The following CNTN4 variants were observed in gnomAD, a reference collection of about 807,000 sequenced individuals.
CNTN4 encodes the protein contactin-4.
Under a neutral mutation model 122.5 loss-of-function variants are expected in CNTN4, and 77 were observed. That is an observed-to-expected ratio of 0.63 (90% confidence interval 0.52 to 0.76). The LOEUF (loss-of-function observed/expected upper bound fraction) is 0.76. Among genes scored for constraint, CNTN4 ranks in the 30% least tolerant of loss-of-function variants. The pLI, the probability that CNTN4 is intolerant of heterozygous loss-of-function variation, is 0.00. For synonymous variants in CNTN4, 512 were observed against 447.0 expected (o/e 1.15, Z -1.83); for missense variants, 1,256 against 1,259.1 (o/e 1.00, Z 0.04).
chr3:2,236,197 A>C (rs2039676049), intron 2 of CNTN4, among the ~76,000 whole-genome samples: 1 of 152,214 alleles, frequency 6.6e-6, no homozygotes, highest in Non-Finnish European at 1.5e-5. Flanking sequence ...TTAAGTTTAC[A>C]TCCTCTAGGT....
chr3:2,276,215 C>T (rs2041505408), intron 2 of CNTN4, among the ~76,000 whole-genome samples: 1 of 151,868 alleles, frequency 6.6e-6, no homozygotes, highest in Non-Finnish European at 1.5e-5. Flanking sequence ...CTCTGCTGCC[C>T]AGGCTGGAGT....
At chr3:2,975,153 T>C (rs1008366680) in intron 13 of CNTN4, among the ~76,000 whole-genome samples, 2 of 151,882 alleles carry the variant, frequency 1.3e-5, no homozygotes, top group Non-Finnish European at 2.9e-5. Context: ...TTCTCAATAT[T>C]AGGAAAAGCT....
intron 2 of CNTN4, among the ~76,000 whole-genome samples, chr3:2,270,518 A>G (rs2041250604): frequency 6.6e-6 from 1 of 152,076 alleles, no homozygotes; most frequent in African/African-American, 2.4e-5. Flanking sequence ...GTGGGAATGG[A>G]CAGGAGTACT....
chr3:2,488,680 TTA>T (rs2076231175), intron 3 of CNTN4, among the ~76,000 whole-genome samples: 1 of 152,016 alleles, frequency 6.6e-6, no homozygotes, highest in Admixed American at 6.5e-5. Context: ...AAATTGGTTT[TTA>T]TATGTCATTT....
intron 2 of CNTN4, among the ~76,000 whole-genome samples, chr3:2,212,990 G>A (rs2038686440): frequency 6.6e-6 from 1 of 152,050 alleles, no homozygotes. Context: ...TTTTTTTCCT[G>A]AAATGAAATA....
chr3:2,445,650 C>T (rs2048598664), intron 3 of CNTN4, among the ~76,000 whole-genome samples: 1 of 152,100 alleles, frequency 6.6e-6, no homozygotes, highest in Admixed American at 6.6e-5. Context: ...CTAGATTCAT[C>T]ATGTAATAAT....
chr3:2,380,735 A>G (rs893089138), intron 3 of CNTN4, among the ~76,000 whole-genome samples: 7 of 151,514 alleles, frequency 4.6e-5, no homozygotes, highest in East Asian at 3.9e-4. Context: ...CCTATTTTAC[A>G]TAAGAACGAA....
At chr3:3,003,684 C>CAAAAAA (rs58290160) in intron 14 of CNTN4, among the ~76,000 whole-genome samples, 25 of 76,972 alleles carry the variant, frequency 3.2e-4, no homozygotes, top group East Asian at 6.8e-4. Context: ...ATGGTTGCAC[C>CAAAAAA]AAAAAAAAAA....
At chr3:2,764,805 T>G (rs1214456213) in intron 6 of CNTN4, among the ~76,000 whole-genome samples, 3 of 152,078 alleles carry the variant, frequency 2.0e-5, no homozygotes, top group Admixed American at 1.3e-4. Flanking sequence ...AATTAGGAAT[T>G]CTCTTTTTTA....
intron 3 of CNTN4, among the ~76,000 whole-genome samples, chr3:2,532,638 A>C (rs775287495): frequency 6.6e-6 from 1 of 152,158 alleles, no homozygotes; most frequent in African/African-American, 2.4e-5. Flanking sequence ...GAAACCAAAA[A>C]CAAATATATT....
intron 4 of CNTN4, among the ~76,000 whole-genome samples, chr3:2,627,171 T>C (rs1012683933): frequency 5.9e-5 from 9 of 152,164 alleles, no homozygotes; most frequent in East Asian, 1.9e-4. Context: ...CTGGGACAAA[T>C]TGGTCACCCT....
At chr3:2,953,636 A>C (rs898017207) in intron 13 of CNTN4, among the ~76,000 whole-genome samples, 5 of 152,036 alleles carry the variant, frequency 3.3e-5, no homozygotes, top group African/African-American at 1.2e-4. Flanking sequence ...TCCAGCCTGA[A>C]ATTCTCCCAG....
rs371982700 is a variant in CNTN4, at chr3:2,548,494, G to A, written c.-88-22922G>A. On this transcript the variant is annotated intron_variant, in intron 3 of 24. Transcript: ENST00000418658. ...AAGATCACATGGTTGTAGATGTGTG[G>A]TATTATTTCTGAGGCCTCTGTTCCA... Among the ~76,000 whole-genome samples the A allele has an allele frequency of 1.6e-4, 25 of 152,190 alleles. 1 individual carries two copies. The highest frequency in any genetic ancestry group is 5.8e-4 in the African/African-American group (24 of 41,522).
At chr3:2,816,222 C>T (rs1310965670) in intron 6 of CNTN4, among the ~76,000 whole-genome samples, 4 of 144,966 alleles carry the variant, frequency 2.8e-5, no homozygotes, top group Admixed American at 6.7e-5. Flanking sequence ...GGCGTGGTGG[C>T]GGGCGCCTGT....
chr3:2,335,033 T>C (rs554483149), intron 2 of CNTN4, among the ~76,000 whole-genome samples: 16 of 152,328 alleles, frequency 1.1e-4, no homozygotes, highest in African/African-American at 1.4e-4. Context: ...TGCTATTAGC[T>C]GAGAAGCTCT....
In CNTN4 at chr3:2,139,995, T is replaced by G. The variant is rs552221750; in HGVS notation, c.-145+39356T>G. On this transcript the variant is annotated intron_variant, in intron 2 of 24. Coordinates refer to ENST00000418658, the MANE Select transcript of CNTN4 (RefSeq NM_175607.3). ...GTGATTGAATCATGGACACAGGTCT[T>G]TACTGTGCCGTTCTTGTCATAGCAA... Among the ~76,000 whole-genome samples the G allele has an allele frequency of 3.0e-3, 450 of 152,326 alleles. 3 individuals are homozygous for G. Among genetic ancestry groups the G allele is most frequent in the African/African-American group, 9.9e-3 (411 of 41,572 alleles).
intron 4 of CNTN4, among the ~76,000 whole-genome samples, chr3:2,718,596 A>G (rs2087646727): frequency 6.6e-6 from 1 of 152,142 alleles, no homozygotes; most frequent in African/African-American, 2.4e-5. Flanking sequence ...GTAGTTTTCT[A>G]TTTATTTCCT....
intron 4 of CNTN4, among the ~76,000 whole-genome samples, chr3:2,693,620 G>A (rs938741601): frequency 2.6e-5 from 4 of 152,130 alleles, no homozygotes; most frequent in Non-Finnish European, 5.9e-5. Flanking sequence ...GTCAGCTTTA[G>A]TCTGGAGAGA....
chr3:2,402,871 C>T lies in CNTN4; in HGVS notation c.-89+63638C>T, dbSNP rs376007795. ...GTTATACCTTACGCAGTACAAATTG[C>T]TGTGATTGCAATAGTTCCTTGTGTA... is the stretch of plus-strand genomic sequence containing the variant. On this transcript the variant is annotated intron_variant, in intron 3 of 24. Coordinates refer to ENST00000418658, the MANE Select transcript of CNTN4 (RefSeq NM_175607.3). Among the ~76,000 whole-genome samples, 81 of 152,212 alleles carry T rather than the reference C, an allele frequency of 5.3e-4. 2 individuals are homozygous for T. Among genetic ancestry groups the T allele is most frequent in the African/African-American group, 1.9e-3 (79 of 41,556 alleles).
Sources: allele counts gnomAD v4.1 joint callset (sites outside exome capture counted in the v4.1 genomes callset), GRCh38; gene constraint gnomAD v4.1.1; transcripts MANE v1.5; gene names NCBI Gene and HGNC (gene_info 2026-07-23, HGNC 2026-07-21).